Variants in DRC11 observed in about 807,000 individuals in gnomAD.
DRC11 encodes dynein regulatory complex subunit 11.
the DRC11 span, among the ~76,000 whole-genome samples, chr2:236,500,023 T>C: frequency 6.6e-6 from 1 of 152,190 alleles, no homozygotes; most frequent in Non-Finnish European, 1.5e-5. The surrounding 1 kb of genome is among the most constrained non-coding windows in gnomAD (Gnocchi z 6.3). Flanking sequence ...ATGTGCTTTT[T>C]TCACCTTTCT....
the DRC11 span, among the ~76,000 whole-genome samples, chr2:236,474,432 C>T: frequency 6.6e-6 from 1 of 152,116 alleles, no homozygotes; most frequent in Non-Finnish European, 1.5e-5. Flanking sequence ...CATGAACAAA[C>T]TGTGTTTAGC....
At chr2:236,395,032 A>G in the DRC11 span, among the ~76,000 whole-genome samples, 9 of 152,218 alleles carry the variant, frequency 5.9e-5, no homozygotes, top group African/African-American at 2.2e-4. Flanking sequence ...AATAAATCAC[A>G]AAGGTGGTAA....
At chr2:236,401,795 G>T in the DRC11 span, among the ~76,000 whole-genome samples, 1 of 151,958 alleles carries the variant, frequency 6.6e-6, no homozygotes, top group African/African-American at 2.4e-5. This position sits in a 1 kb window ranked among gnomAD's most constrained non-coding sequence, Gnocchi z 4.6. Context: ...CTGTTTAATG[G>T]GTACGGGGTC....
At chr2:236,386,542 T>C in the DRC11 span, among the ~76,000 whole-genome samples, 21 of 152,102 alleles carry the variant, frequency 1.4e-4, no homozygotes, top group South Asian at 4.2e-3. Context: ...ATCTATTTGA[T>C]TCTTCTCTCT....
chr2:236,462,300 C>G, the DRC11 span, among the ~76,000 whole-genome samples: 1 of 152,054 alleles, frequency 6.6e-6, no homozygotes, highest in Non-Finnish European at 1.5e-5. This position sits in a 1 kb window ranked among gnomAD's most constrained non-coding sequence, Gnocchi z 6.4. Context: ...GGACACGTGG[C>G]AGAAACCATG....
the DRC11 span, among the ~76,000 whole-genome samples, chr2:236,504,837 C>T: frequency 6.6e-6 from 1 of 152,220 alleles, no homozygotes; most frequent in Non-Finnish European, 1.5e-5. This position sits in a 1 kb window ranked among gnomAD's most constrained non-coding sequence, Gnocchi z 5.0. Flanking sequence ...TTCCTTGCTG[C>T]CGCCATGTGA....
the DRC11 span, among the ~76,000 whole-genome samples, chr2:236,336,693 C>T: frequency 4.6e-5 from 7 of 152,314 alleles, no homozygotes; most frequent in South Asian, 6.2e-4. This position sits in a 1 kb window ranked among gnomAD's most constrained non-coding sequence, Gnocchi z 7.3. Flanking sequence ...CATTAGCACA[C>T]GCTGTCACCT....
the DRC11 span, among the ~76,000 whole-genome samples, chr2:236,320,083 G>A: frequency 6.6e-6 from 1 of 152,244 alleles, no homozygotes; most frequent in Admixed American, 6.5e-5. Flanking sequence ...CCACTGCTAT[G>A]CTGCAACTGT....
At chr2:236,370,337 T>C in the DRC11 span, among the ~76,000 whole-genome samples, 1 of 152,176 alleles carries the variant, frequency 6.6e-6, no homozygotes, top group Non-Finnish European at 1.5e-5. The surrounding 1 kb of genome is among the most constrained non-coding windows in gnomAD (Gnocchi z 5.5). Context: ...TTTGCTGTAA[T>C]TACCTCATCC....
the DRC11 span, among the ~76,000 whole-genome samples, chr2:236,477,800 A>C: frequency 6.6e-6 from 1 of 151,958 alleles, no homozygotes; most frequent in Admixed American, 6.6e-5. Context: ...CTGTTTCTTA[A>C]AGGCTTTCCA....
chr2:236,439,494 A>T, the DRC11 span, among the ~76,000 whole-genome samples: 19 of 152,310 alleles, frequency 1.2e-4, no homozygotes, highest in African/African-American at 4.6e-4. Context: ...GAGTCTTTTT[A>T]TCCAGATAAA....
the DRC11 span, among the ~76,000 whole-genome samples, chr2:236,464,239 A>G: frequency 6.6e-6 from 1 of 152,222 alleles, no homozygotes; most frequent in Non-Finnish European, 1.5e-5. Flanking sequence ...ATATCTTTTA[A>G]TAGAATCTTT....
chr2:236,507,036 G>C, the DRC11 span, among the ~76,000 whole-genome samples: 1 of 152,158 alleles, frequency 6.6e-6, no homozygotes, highest in African/African-American at 2.4e-5. Flanking sequence ...CGTAGGGGAG[G>C]GGGAGATCTA....
the DRC11 span, among the ~76,000 whole-genome samples, chr2:236,491,214 ACACAG>A: frequency 1.9e-4 from 8 of 42,678 alleles, no homozygotes; most frequent in African/African-American, 1.0e-3. Flanking sequence ...ATATATATAC[ACACAG>A]TATATATATA....
At chr2:236,429,707 C>G in the DRC11 span, among the ~76,000 whole-genome samples, 1 of 151,934 alleles carries the variant, frequency 6.6e-6, no homozygotes, top group African/African-American at 2.4e-5. The surrounding 1 kb of genome is among the most constrained non-coding windows in gnomAD (Gnocchi z 5.9). Flanking sequence ...CTAGGGAACA[C>G]GAGGGCCACT....
At chr2:236,503,635 T>C in the DRC11 span, 4 of 1,550,750 alleles carry the variant, frequency 2.6e-6, no homozygotes, top group South Asian at 3.6e-5. This position sits in a 1 kb window ranked among gnomAD's most constrained non-coding sequence, Gnocchi z 4.9. Context: ...CATTACCTGT[T>C]TTCCTCAGCG....
chr2:236,503,592 T>G, the DRC11 span: 1 of 1,529,242 alleles, frequency 6.5e-7, no homozygotes, highest in Non-Finnish European at 8.9e-7. This position sits in a 1 kb window ranked among gnomAD's most constrained non-coding sequence, Gnocchi z 4.9. Context: ...GACAGGAAAA[T>G]GAGCAGCTTT....
chr2:236,401,628 G>A, the DRC11 span, among the ~76,000 whole-genome samples: 1 of 152,222 alleles, frequency 6.6e-6, no homozygotes, highest in Non-Finnish European at 1.5e-5. The surrounding 1 kb of genome is among the most constrained non-coding windows in gnomAD (Gnocchi z 4.6). Flanking sequence ...ACGGAGCGGA[G>A]GAAGCGTGAA....
the DRC11 span, among the ~76,000 whole-genome samples, chr2:236,389,404 G>T: frequency 5.3e-5 from 8 of 152,182 alleles, no homozygotes; most frequent in African/African-American, 1.9e-4. Flanking sequence ...CGCAGTATTC[G>T]GGTGGGAGTG....
Sources: gnomAD v4.1 joint callset for allele counts (sites outside exome capture counted in the v4.1 genomes callset) on GRCh38, gnomAD v4.1.1 for gene constraint, Gnocchi (gnomAD v3.1) non-coding constraint, MANE v1.5 for transcripts, NCBI Gene and HGNC (gene_info 2026-07-23, HGNC 2026-07-21) for gene names.